Variants in ASF1B observed in about 807,000 individuals in gnomAD.
ASF1B encodes the protein anti-silencing function 1B histone chaperone, also known as histone chaperone ASF1B.
A neutral mutation model predicts 16.6 loss-of-function variants in ASF1B; 10 were observed. The observed-to-expected ratio is 0.60, with a 90% CI of 0.37 to 1.02. The LOEUF (loss-of-function observed/expected upper bound fraction) is 1.02, where lower values mean the gene tolerates loss of function less well. Ranked by LOEUF, ASF1B falls within the 50% of genes least tolerant of loss-of-function variation. The pLI is 0.01. For missense variants in ASF1B, 240 were observed against 266.0 expected, an observed-to-expected ratio of 0.90 and a Z score of 0.68; for synonymous variants, 101 against 106.2, an observed-to-expected ratio of 0.95 and a Z score of 0.30.
In ASF1B at chr19:14,121,643, G is replaced by A; in HGVS notation, c.291C>T (p.Ile97=). 2 of 1,613,956 alleles carry A rather than the reference G, an allele frequency of 1.2e-6. No homozygotes were observed. Among genetic ancestry groups the A allele is most frequent in the Non-Finnish European group, 1.7e-6 (2 of 1,179,970 alleles). The change falls in exon 3 of 4, where the codon ATC becomes ATT. Residue 97 remains isoleucine, a synonymous_variant. Coordinates refer to ENST00000263382, the MANE Select transcript of ASF1B (RefSeq NM_018154.3). ...ACTCCTGTCCATGGTAGGTGCAGGT[G>A]ATGAGGACCACAGTCACACCCACGG... is the stretch of plus-strand genomic sequence containing the variant. ...TDAVGVTVVL[I]TCTYHGQEFI...
intron 1 of ASF1B, among the ~76,000 whole-genome samples, chr19:14,134,399 CACAT>C (rs1172097022): frequency 2.0e-5 from 3 of 152,024 alleles, no homozygotes; most frequent in Non-Finnish European, 4.4e-5. Flanking sequence ...AAAGCACATC[CACAT>C]CTCACTCTAT....
intron 3 of ASF1B, among the ~76,000 whole-genome samples, chr19:14,121,073 G>C (rs867454295): frequency 6.6e-6 from 1 of 151,406 alleles, no homozygotes; most frequent in Admixed American, 6.6e-5. Flanking sequence ...CTACAGCCTC[G>C]GCCTCCCAAA....
intron 2 of ASF1B, among the ~76,000 whole-genome samples, chr19:14,125,479 G>C (rs1232514766): frequency 6.6e-6 from 1 of 150,986 alleles, no homozygotes; most frequent in African/African-American, 2.4e-5. Context: ...GGTGGGGGAA[G>C]GGAGGGCCTG....
chr19:14,129,678 C>CAAAAAAAAAAAAAAAAA (rs549023648), intron 1 of ASF1B, among the ~76,000 whole-genome samples: 2 of 34,622 alleles, frequency 5.8e-5, no homozygotes, highest in Non-Finnish European at 9.5e-5. Flanking sequence ...CAGCCTCCGT[C>CAAAAAAAAAAAAAAAAA]AAAAAAAAAA....
At chr19:14,130,286 C>A (rs1458487564) in intron 1 of ASF1B, among the ~76,000 whole-genome samples, 1 of 151,924 alleles carries the variant, frequency 6.6e-6, no homozygotes, top group Non-Finnish European at 1.5e-5. Context: ...TGGTCTCGAT[C>A]TCCTGACCTT....
chr19:14,136,100 C>CG (rs1196185341), intron 1 of ASF1B, among the ~76,000 whole-genome samples: 4 of 73,746 alleles, frequency 5.4e-5, no homozygotes, highest in African/African-American at 2.2e-4. Flanking sequence ...AGTTAGCTGG[C>CG]GGGGGGTCTC....
Position 14,120,549 on chromosome 19 carries a change from G to C in ASF1B, c.519C>G (p.Gly173=), listed in dbSNP as rs748661613. 6.2e-7 allele frequency: 1 copy of C among 1,613,536 alleles called. No individual in the cohort carries two copies. The highest frequency in any genetic ancestry group is 8.5e-7 in the Non-Finnish European group (1 of 1,179,738). The change falls in exon 4 of 4, where the codon GGC becomes GGG. Residue 173 remains glycine (G), a synonymous_variant. Transcript: ENST00000263382. ...IETQDPSLGC[G]LPLNCTPIKG... Reference sequence around the variant, plus strand: ...TGATAGGAGTGCAGTTGAGTGGGAGGCCGCAGCCCAGGGAGGGGTCCTGGG... The same window carrying C: ...TGATAGGAGTGCAGTTGAGTGGGAGCCCGCAGCCCAGGGAGGGGTCCTGGG...
intron 1 of ASF1B, among the ~76,000 whole-genome samples, chr19:14,133,193 C>T (rs1161532343): frequency 6.6e-6 from 1 of 151,980 alleles, no homozygotes; most frequent in Non-Finnish European, 1.5e-5. Flanking sequence ...TTTGAGTGTC[C>T]TGATTAGGCA....
chr19:14,121,291 T>C, intron 3 of ASF1B: 1 of 451,988 alleles, frequency 2.2e-6, no homozygotes. Flanking sequence ...TTTTTTTTTT[T>C]TTTTTGCGGG....
intron 1 of ASF1B, among the ~76,000 whole-genome samples, chr19:14,128,086 G>GT (rs1286825974): frequency 6.6e-6 from 1 of 152,226 alleles, no homozygotes; most frequent in Non-Finnish European, 1.5e-5. Flanking sequence ...AGGTCCAAGT[G>GT]TATCAGGGGC....
rs557695522 is a variant in ASF1B at position 14,136,583 on chromosome 19, G to T, written c.-127C>A. 1.6e-5 allele frequency: 11 copies of T among 705,970 alleles called. No individual in the cohort carries two copies. Among genetic ancestry groups the T allele is most frequent in the South Asian group, 1.4e-4 (7 of 49,576 alleles). The allele number at this position is 705,970 out of a possible 1,614,324, so 43.7% of individuals were successfully genotyped here. ...CTCCCGCCTCTTCTCTCCGAGAACTGAAGTGCGCACCTAGTCCGCGCGCCG... is the reference window on the plus strand; with the variant it reads ...CTCCCGCCTCTTCTCTCCGAGAACTTAAGTGCGCACCTAGTCCGCGCGCCG... On this transcript the variant is annotated 5_prime_UTR_variant, in exon 1 of 4. Coordinates refer to ENST00000263382, the MANE Select transcript of ASF1B (RefSeq NM_018154.3).
Position 14,134,514 on chromosome 19 carries a change from C to T in ASF1B, c.109+1834G>A, listed in dbSNP as rs1253766124. Among the ~76,000 whole-genome samples, 10 of 152,046 alleles carry T rather than the reference C, an allele frequency of 6.6e-5. No individual in the cohort carries two copies. The East Asian group carries it at 7.8e-4, about 12-fold the overall frequency. On this transcript the variant is annotated intron_variant, in intron 1 of 3. Coordinates refer to ENST00000263382, the MANE Select transcript of ASF1B (RefSeq NM_018154.3). ...ATCCTGGCTTCACAGGCCCCCAGATCACCACCTCCTCGGCTGCTGCCTTTT... is the reference window on the plus strand; with the variant it reads ...ATCCTGGCTTCACAGGCCCCCAGATTACCACCTCCTCGGCTGCTGCCTTTT...
rs1241314971 is a variant in ASF1B at position 14,126,169 on chromosome 19, C to T, written c.178G>A (p.Val60Met). The T allele has an allele frequency of 6.2e-7, 1 of 1,612,092 alleles. No homozygotes were observed. Among genetic ancestry groups the T allele is most frequent in the African/African-American group, 1.3e-5 (1 of 74,894 alleles). ...SEEFDQILDS[V>M]LVGPVPAGRH... ...CCTGCTGGCACAGGGCCCACCAGCA[C>T]CGAGTCTAGGATCTGATCAAATTCC... The change falls in exon 2 of 4, where the codon GTG becomes ATG. Residue 60 changes from valine (V) to methionine (M), a missense_variant. By Grantham distance (21) the Val-to-Met change is conservative. Coordinates refer to ENST00000263382, the MANE Select transcript of ASF1B (RefSeq NM_018154.3).
intron 1 of ASF1B, among the ~76,000 whole-genome samples, chr19:14,126,717 C>A (rs1427856446): frequency 6.6e-6 from 1 of 152,132 alleles, no homozygotes; most frequent in East Asian, 1.9e-4. Context: ...GGTGATCCAC[C>A]CGCCTTGGCC....
intron 2 of ASF1B, among the ~76,000 whole-genome samples, chr19:14,122,718 ACT>A (rs1967259311): frequency 6.6e-6 from 1 of 152,156 alleles, no homozygotes; most frequent in Non-Finnish European, 1.5e-5. Flanking sequence ...CAAAACGTTG[ACT>A]GTGGCAGGGA....
chr19:14,136,225 G>A (rs1276393063), intron 1 of ASF1B, 123 bp downstream of exon 1: 3 of 717,898 alleles, frequency 4.2e-6, no homozygotes, highest in Non-Finnish European at 4.6e-6. Context: ...GGGGGAGATC[G>A]GGGTTGGCGG....
In ASF1B at chr19:14,129,146, C is replaced by T. The variant is rs1011342206; in HGVS notation, c.110-2909G>A. 4.6e-5 allele frequency among the ~76,000 whole-genome samples: 7 copies of T among 151,962 alleles called. No homozygotes were observed. The South Asian group carries it at 1.2e-3, about 27-fold the overall frequency. On this transcript the variant is annotated intron_variant, in intron 1 of 3. Transcript: ENST00000263382. ...GCGCGTGCCGGTGGTCCCAGCTATGCGGGAGGCTAAGGTTGGAGGATCGCT... is the reference window on the plus strand; with the variant it reads ...GCGCGTGCCGGTGGTCCCAGCTATGTGGGAGGCTAAGGTTGGAGGATCGCT...
At chr19:14,126,744 T>C (rs1967324375) in intron 1 of ASF1B, among the ~76,000 whole-genome samples, 1 of 152,174 alleles carries the variant, frequency 6.6e-6, no homozygotes. Context: ...AGTGCTGGGA[T>C]GACAGGTGTG....
At chr19:14,125,799 C>T (rs953858905) in intron 2 of ASF1B, among the ~76,000 whole-genome samples, 1 of 152,318 alleles carries the variant, frequency 6.6e-6, no homozygotes, top group Admixed American at 6.5e-5. Flanking sequence ...GCAATCCTCC[C>T]ACCTCGGCCT....
Sources: gnomAD v4.1 joint callset for allele counts (sites outside exome capture counted in the v4.1 genomes callset) on GRCh38, gnomAD v4.1.1 for gene constraint, MANE v1.5 for transcripts, NCBI Gene and HGNC (gene_info 2026-07-23, HGNC 2026-07-21) for gene names.